Variants in CFAP46 observed in about 807,000 individuals in gnomAD.
CFAP46 encodes the protein cilia- and flagella-associated protein 46.
A neutral mutation model predicts 325.7 loss-of-function variants in CFAP46; 245 were observed. The observed-to-expected ratio is 0.75, with a 90% CI of 0.68 to 0.84. CFAP46 has a LOEUF of 0.84. CFAP46 is among the 40% of genes least tolerant of loss of function. The pLI, the probability that CFAP46 is intolerant of heterozygous loss-of-function variation, is 0.00. For missense variants in CFAP46, 3,346 were observed against 3,543.0 expected, an observed-to-expected ratio of 0.94 and a Z score of 1.41; for synonymous variants, 1,523 against 1,495.9, an observed-to-expected ratio of 1.02 and a Z score of -0.42.
At chr10:132,931,551 T>TCACACAGAGCCTGGACCTTCATCCTCCC (rs1849902998) in intron 8 of CFAP46, among the ~76,000 whole-genome samples, 1 of 77,552 alleles carries the variant, frequency 1.3e-5, no homozygotes, top group Non-Finnish European at 2.5e-5. Flanking sequence ...CCAATACTTC[T>TCACACAGAGCCTGGACCTTCATCCTCCC]CACACAGAGC....
intron 7 of CFAP46, among the ~76,000 whole-genome samples, chr10:132,935,625 A>C (rs1356047831): frequency 7.2e-6 from 1 of 137,946 alleles, no homozygotes; most frequent in Non-Finnish European, 1.5e-5. Flanking sequence ...CGGCACCCAA[A>C]CACACTGTGA....
At chr10:132,879,973 AG>A in intron 28 of CFAP46, among the ~76,000 whole-genome samples, 1 of 152,198 alleles carries the variant, frequency 6.6e-6, no homozygotes, top group Non-Finnish European at 1.5e-5. Context: ...GACTGTCCCA[AG>A]GGCCTGGGAG....
Position 132,814,911 on chromosome 10 carries a change from C to T in CFAP46, c.7121G>A (p.Gly2374Asp). 6.2e-7 allele frequency: 1 copy of T among 1,614,140 alleles called. No individual in the cohort carries two copies. The highest frequency in any genetic ancestry group is 8.5e-7 in the Non-Finnish European group (1 of 1,179,998). ...WNRLHKEETE[G>D]GVKKEGRSRD... is the part of the protein sequence containing the mutation. ...GCTTCTTCCCTCCTTTTTCACGCCA[C>T]CTTCTGTTGAAGACAAGAAAGAGGC... Residue 2374 changes from glycine to aspartate, a missense_variant, in exon 51 of 58, where the codon GGT becomes GAT. Physicochemically the swap from Gly to Asp is moderately conservative, Grantham distance 94. Coordinates refer to ENST00000368586, the MANE Select transcript of CFAP46 (RefSeq NM_001200049.3).
At chr10:132,835,062 A>ACCGG (rs1292963931) in intron 47 of CFAP46, among the ~76,000 whole-genome samples, 1 of 152,122 alleles carries the variant, frequency 6.6e-6, no homozygotes, top group Admixed American at 6.5e-5. Context: ...AGCAGAGTGG[A>ACCGG]CCAGGCCCCT....
In CFAP46 at chr10:132,939,022, G is replaced by C. The variant is rs1346154651; in HGVS notation, c.372-269C>G. On this transcript the variant is annotated intron_variant, in intron 4 of 57. Transcript: ENST00000368586. The surrounding 1 kb of genome is among the most constrained non-coding windows in gnomAD (Gnocchi z 4.6). ...CCCGGCTGTGATGACCCGGCCACAG[G>C]CTCCCGAGTCCAGACCAGGGCCTTC... 6.6e-6 allele frequency among the ~76,000 whole-genome samples: 1 copy of C among 152,184 alleles called. No individual in the cohort carries two copies. Among genetic ancestry groups the C allele is most frequent in the Non-Finnish European group, 1.5e-5 (1 of 68,032 alleles).
In CFAP46 at chr10:132,916,593, G is replaced by A. The variant is rs576509629; in HGVS notation, c.2076C>T (p.Tyr692=). The part of the protein sequence containing the change: ...PEDLSQHPAG[Y]VPEPPEVNAE... ...CATTCACCTCCGGGGGCTCAGGCAC[G>A]TAGCCAGCTGGGTGCTGGCTCAGGT... is the stretch of plus-strand genomic sequence containing the variant. Residue 692 remains tyrosine (Y), a synonymous_variant, in exon 17 of 58, where the codon TAC becomes TAT. Coordinates refer to ENST00000368586, the MANE Select transcript of CFAP46 (RefSeq NM_001200049.3). The A allele has an allele frequency of 4.7e-5, 72 of 1,547,048 alleles. No individual in the cohort carries two copies. Among genetic ancestry groups the A allele is most frequent in the African/African-American group, 8.2e-5 (6 of 72,874 alleles).
At position 132,851,154 on chromosome 10, in the gene CFAP46, T is replaced by TA; in HGVS notation, c.5725dup (p.Tyr1909LeufsTer7). ...AGTGTAGTCACTGGTGTTCTGCAGA[T>TA]AGTCCGCCAGCAGCTTCTCCAGGGA... On this transcript the variant is annotated frameshift_variant, in exon 40 of 58. Coordinates refer to ENST00000368586, the MANE Select transcript of CFAP46 (RefSeq NM_001200049.3). LOFTEE classifies it high-confidence loss of function. The TA allele has an allele frequency of 6.2e-7, 1 of 1,614,074 alleles. No individual in the cohort carries two copies. The highest frequency in any genetic ancestry group is 8.5e-7 in the Non-Finnish European group (1 of 1,180,024).
In CFAP46 at chr10:132,916,627, G is replaced by C. The variant is rs1236852995; in HGVS notation, c.2042C>G (p.Pro681Arg). 3 of 1,537,502 alleles carry C rather than the reference G, an allele frequency of 2.0e-6. No individual in the cohort carries two copies. Among genetic ancestry groups the C allele is most frequent in the African/African-American group, 2.8e-5 (2 of 72,056 alleles). Residue 681 changes from proline to arginine, a missense_variant, in exon 17 of 58, where the codon CCC (proline) becomes CGC (arginine). By Grantham distance (103) the Pro-to-Arg change is moderately radical. Transcript: ENST00000368586. ...EGVELNDRAI[P>R]PEDLSQHPAG... ...TGGGTGCTGGCTCAGGTCTTCGGGG[G>C]GGATGGCCCGGTCATTCAGCTCTAC...
intron 50 of CFAP46, among the ~76,000 whole-genome samples, chr10:132,823,347 G>C (rs1399024843): frequency 3.3e-5 from 4 of 122,314 alleles, no homozygotes; most frequent in Non-Finnish European, 6.8e-5. Context: ...TGTGTGCTGT[G>C]TGTGCTGAGT....
rs911877411 is a variant in CFAP46, at chr10:132,832,115, C to G, written c.7117+1243G>C. 6.6e-6 allele frequency among the ~76,000 whole-genome samples: 1 copy of G among 152,146 alleles called. No homozygotes were observed. Among genetic ancestry groups the G allele is most frequent in the Non-Finnish European group, 1.5e-5 (1 of 68,030 alleles). ...CATACCATTATTATTGTCTTTTGCT[C>G]TAAGCTTTTTGCTCAAAAATATTTT... On this transcript the variant is annotated intron_variant, in intron 50 of 57. Transcript: ENST00000368586. This position sits in a 1 kb window ranked among gnomAD's most constrained non-coding sequence, Gnocchi z 4.1.
chr10:132,821,102 G>A (rs1189333513), intron 50 of CFAP46, among the ~76,000 whole-genome samples: 2 of 77,188 alleles, frequency 2.6e-5, no homozygotes, highest in African/African-American at 7.2e-5. Context: ...TGTGTGCTTT[G>A]TGTGTGCTGA....
At chr10:132,910,095 A>T in intron 19 of CFAP46, 27 bp from the exon 20 acceptor site, 1 of 1,389,962 alleles carries the variant, frequency 7.2e-7, no homozygotes, top group Non-Finnish European at 9.4e-7. Context: ...CTCGGTCACG[A>T]AACCTGAATT....
chr10:132,890,751 C>A (rs923206400), intron 25 of CFAP46, among the ~76,000 whole-genome samples: 2 of 152,166 alleles, frequency 1.3e-5, no homozygotes, highest in African/African-American at 4.8e-5. Flanking sequence ...GACGGACTTG[C>A]CGTGTGCGTC....
chr10:132,850,412 C>A lies in CFAP46; in HGVS notation c.5784G>T (p.Arg1928=). Residue 1928 remains arginine (R), a synonymous_variant, in exon 41 of 58, where the codon CGG becomes CGT. Coordinates refer to ENST00000368586, the MANE Select transcript of CFAP46 (RefSeq NM_001200049.3). The part of the protein sequence containing the change: ...SVGLQWFTLK[R]TLAHGALAQL... ...GTGCCAGTGCCCCGTGTGCTAGAGT[C>A]CGCTTCAGCGTGAACCATTGCTTCG... The A allele has an allele frequency of 6.3e-7, 1 of 1,576,756 alleles. No individual in the cohort carries two copies. Among genetic ancestry groups the A allele is most frequent in the East Asian group, 2.3e-5 (1 of 43,058 alleles).
At chr10:132,867,616 C>G in intron 33 of CFAP46, 109 bp from the exon 34 acceptor site, 1 of 1,347,790 alleles carries the variant, frequency 7.4e-7, no homozygotes, top group Non-Finnish European at 9.9e-7. Context: ...ACATTCTTCA[C>G]GCGCGTGTTT....
At position 132,906,902 on chromosome 10, in the gene CFAP46, G is replaced by A. The variant is rs538755799; in HGVS notation, c.2924+1566C>T. ...GGGGTCCTGGCGCGTGATGCCCCGT[G>A]CTGGGCACTGAGTGAATGGGGGGCC... is the stretch of plus-strand genomic sequence containing the variant. On this transcript the variant is annotated intron_variant, in intron 22 of 57. Coordinates refer to ENST00000368586, the MANE Select transcript of CFAP46 (RefSeq NM_001200049.3). Among the ~76,000 whole-genome samples, 12 of 151,456 alleles carry A rather than the reference G, an allele frequency of 7.9e-5. 1 individual carries two copies. The highest frequency in any genetic ancestry group is 2.7e-4 in the African/African-American group (11 of 41,130).
At position 132,918,269 on chromosome 10, in the gene CFAP46, C is replaced by G. The variant is rs1467826011; in HGVS notation, c.1986+124G>C. 29 of 173,252 alleles carry G rather than the reference C, an allele frequency of 1.7e-4. No homozygotes were observed. In the East Asian group the frequency reaches 2.1e-3, roughly 13 times the overall value. 10.7% of individuals were successfully genotyped at this position (173,252 alleles called of 1,614,324 possible). ...ACGACGCACCTCAGCACCGATGAAC[C>G]CCCCTCTCCACGACGCACCTCAGCA... On this transcript the variant is annotated intron_variant, in intron 16 of 57. Coordinates refer to ENST00000368586, the MANE Select transcript of CFAP46 (RefSeq NM_001200049.3).
At chr10:132,834,013 G>A in intron 49 of CFAP46, 28 bp downstream of exon 49, 1 of 1,604,264 alleles carries the variant, frequency 6.2e-7, no homozygotes, top group Non-Finnish European at 8.5e-7. Flanking sequence ...AGCTCCCCAG[G>A]CTGAGTGGCC....
chr10:132,913,481 AG>A (rs1849586816), intron 17 of CFAP46, among the ~76,000 whole-genome samples: 1 of 152,218 alleles, frequency 6.6e-6, no homozygotes, highest in Non-Finnish European at 1.5e-5. Flanking sequence ...CCAGTCTCAC[AG>A]GAGCGCGAAC....
Sources: allele counts gnomAD v4.1 joint callset (sites outside exome capture counted in the v4.1 genomes callset), GRCh38; gene constraint gnomAD v4.1.1; non-coding constraint Gnocchi (gnomAD v3.1); transcripts MANE v1.5; gene names NCBI Gene and HGNC (gene_info 2026-07-23, HGNC 2026-07-21).